RBFOX3: variants seen among roughly 807,000 people sequenced by gnomAD.
The protein encoded by RBFOX3 is RNA binding protein fox-1 homolog 3.
RBFOX3 carries 17 observed loss-of-function variants against 48.7 expected under a neutral mutation model. The ratio of observed to expected loss-of-function variants is 0.35; its 90% CI spans 0.24 to 0.52. The LOEUF is 0.52. RBFOX3 is among the 20% of genes least tolerant of loss of function. RBFOX3 has a pLI of 0.94. For synonymous variants in RBFOX3, 212 were observed against 209.5 expected (o/e 1.01, Z -0.10); for missense variants, 382 against 497.5 (o/e 0.77, Z 2.21).
chr17:79,333,832 C>T (rs34444410), intron 2 of RBFOX3, among the ~76,000 whole-genome samples: 27,208 of 152,056 alleles, frequency 0.18, 3,314 homozygotes, highest in Non-Finnish European at 0.27. Context: ...CTTCACCCCA[C>T]GAGCACACAC....
Position 79,204,026 on chromosome 17 carries a change from C to T in RBFOX3, c.-34+31740G>A, listed in dbSNP as rs1182830911. Reference sequence around the variant, plus strand: ...CGCTCTGGGCTGGTGGAAGTGGCCCCTTCCATCTTTGCTAAGAGAAAGCAG... The same window carrying T: ...CGCTCTGGGCTGGTGGAAGTGGCCCTTTCCATCTTTGCTAAGAGAAAGCAG... On this transcript the variant is annotated intron_variant, in intron 4 of 14. Transcript: ENST00000693108. This position sits in a 1 kb window ranked among gnomAD's most constrained non-coding sequence, Gnocchi z 4.5. Among the ~76,000 whole-genome samples the T allele has an allele frequency of 2.0e-5, 3 of 152,162 alleles. No individual in the cohort carries two copies. The highest frequency in any genetic ancestry group is 4.4e-5 in the Non-Finnish European group (3 of 68,016).
chr17:79,556,543 C>T (rs1257539282), intron 1 of RBFOX3, among the ~76,000 whole-genome samples: 1 of 152,122 alleles, frequency 6.6e-6, no homozygotes, highest in African/African-American at 2.4e-5. Flanking sequence ...GGAGGAGGAG[C>T]TGTAACCACA....
chr17:79,183,933 T>C (rs868047677), intron 4 of RBFOX3, among the ~76,000 whole-genome samples: 1 of 152,122 alleles, frequency 6.6e-6, no homozygotes, highest in Non-Finnish European at 1.5e-5. Flanking sequence ...CAGCACTTGC[T>C]CCTGGCCTGG....
At chr17:79,653,923 A>C in the RBFOX3 span, among the ~76,000 whole-genome samples, 2 of 151,380 alleles carry the variant, frequency 1.3e-5, no homozygotes, top group African/African-American at 4.9e-5. Context: ...CTTTTTAAAA[A>C]CTCATAAAAA....
At chr17:79,557,211 G>A (rs1477877474) in intron 1 of RBFOX3, among the ~76,000 whole-genome samples, 3 of 124,966 alleles carry the variant, frequency 2.4e-5, no homozygotes, top group African/African-American at 9.3e-5. Flanking sequence ...GGGTGACAGA[G>A]TGAGACACTG....
intron 1 of RBFOX3, among the ~76,000 whole-genome samples, chr17:79,581,523 C>A (rs1351221994): frequency 6.6e-6 from 1 of 152,272 alleles, no homozygotes; most frequent in Non-Finnish European, 1.5e-5. Flanking sequence ...CATTTCCATG[C>A]ACACGTGAAT....
Position 79,103,692 on chromosome 17 carries a change from G to C in RBFOX3, c.414+381C>G, listed in dbSNP as rs1322744857. Among the ~76,000 whole-genome samples, 2 of 152,088 alleles carry C rather than the reference G, an allele frequency of 1.3e-5. No individual in the cohort carries two copies. Among genetic ancestry groups the C allele is most frequent in the African/African-American group, 4.8e-5 (2 of 41,408 alleles). ...CCAGGGTAGAGGGTCGTGCCTTCCT[G>C]GAAGGGGAGTAGGGCTTGTCTCCGC... On this transcript the variant is annotated intron_variant, in intron 7 of 14. Transcript: ENST00000693108. The surrounding 1 kb of genome is among the most constrained non-coding windows in gnomAD (Gnocchi z 6.1).
intron 4 of RBFOX3, among the ~76,000 whole-genome samples, chr17:79,149,872 G>T (rs1248076903): frequency 6.7e-6 from 1 of 149,376 alleles, no homozygotes; most frequent in Non-Finnish European, 1.5e-5. Context: ...TCCTCCTCTG[G>T]GGCCTGGAGA....
At chr17:79,130,939 C>T (rs2038692181) in intron 4 of RBFOX3, among the ~76,000 whole-genome samples, 1 of 152,390 alleles carries the variant, frequency 6.6e-6, no homozygotes, top group South Asian at 2.1e-4. Context: ...CGGGAATCAG[C>T]CCCGCACCTG....
intron 4 of RBFOX3, among the ~76,000 whole-genome samples, chr17:79,161,299 T>A (rs1450103812): frequency 6.6e-6 from 1 of 152,010 alleles, no homozygotes; most frequent in African/African-American, 2.4e-5. Flanking sequence ...CAGGTCAGGT[T>A]GGAGAAGGGA....
intron 1 of RBFOX3, among the ~76,000 whole-genome samples, chr17:79,581,675 A>G (rs2093065382): frequency 6.6e-6 from 1 of 152,270 alleles, no homozygotes; most frequent in Non-Finnish European, 1.5e-5. Context: ...CAGGAAGAGA[A>G]GAGAGCTGTA....
At chr17:79,430,696 C>A (rs1481631407) in intron 2 of RBFOX3, among the ~76,000 whole-genome samples, 1 of 152,140 alleles carries the variant, frequency 6.6e-6, no homozygotes, top group Non-Finnish European at 1.5e-5. Flanking sequence ...AGGTATGCAG[C>A]ACCACACCCA....
intron 2 of RBFOX3, among the ~76,000 whole-genome samples, chr17:79,372,310 C>A (rs868225121): frequency 1.2e-4 from 14 of 120,020 alleles, no homozygotes; most frequent in African/African-American, 3.8e-4. Context: ...ACTATAGACC[C>A]CCCCCTGTCA....
chr17:79,502,383 T>A (rs1555777412), intron 1 of RBFOX3, among the ~76,000 whole-genome samples: 1 of 37,416 alleles, frequency 2.7e-5, no homozygotes, highest in Non-Finnish European at 8.6e-5. Context: ...TGGTGTTTAA[T>A]GGAGACAGTT....
At position 79,135,341 on chromosome 17, in the gene RBFOX3, G is replaced by T. The variant is rs145917777; in HGVS notation, c.-33-19593C>A. On this transcript the variant is annotated intron_variant, in intron 4 of 14. Coordinates refer to ENST00000693108, the MANE Select transcript of RBFOX3 (RefSeq NM_001350451.2). ...GGGAAGGAGCCAGGCCACCTTAAGT[G>T]CTGTCCTCTCATAAGGAAAACCTTG... Among the ~76,000 whole-genome samples the T allele has an allele frequency of 2.0e-4, 30 of 152,300 alleles. No homozygotes were observed. In the East Asian group the frequency reaches 5.4e-3, roughly 27 times the overall value.
In RBFOX3 at chr17:79,405,180, G is replaced by A. The variant is rs1368489222; in HGVS notation, c.-175+77274C>T. On this transcript the variant is annotated intron_variant, in intron 2 of 14. Coordinates refer to ENST00000693108, the MANE Select transcript of RBFOX3 (RefSeq NM_001350451.2). ...ATATGGAAAAGCTGAGGAGTTTGAC[G>A]GTGACGGCTGCACCCCACCAGCTCG... 6.6e-5 allele frequency among the ~76,000 whole-genome samples: 10 copies of A among 152,118 alleles called. No homozygotes were observed. The East Asian group carries it at 1.7e-3, about 26-fold the overall frequency.
At chr17:79,285,747 G>A (rs1013183817) in intron 3 of RBFOX3, among the ~76,000 whole-genome samples, 8 of 152,104 alleles carry the variant, frequency 5.3e-5, no homozygotes, top group African/African-American at 1.7e-4. Flanking sequence ...GCAATGGTGC[G>A]ATCTCAGCTC....
intron 4 of RBFOX3, among the ~76,000 whole-genome samples, chr17:79,177,354 G>T (rs551485293): frequency 2.6e-5 from 4 of 152,372 alleles, no homozygotes; most frequent in African/African-American, 9.6e-5. Context: ...GCAGCCGTTT[G>T]TGCTTCCCAA....
intron 12 of RBFOX3, 22 bp downstream of exon 12, chr17:79,096,631 C>CAACCA: frequency 6.6e-7 from 1 of 1,515,650 alleles, no homozygotes; most frequent in Non-Finnish European, 9.0e-7. Context: ...CCCACCCTCC[C>CAACCA]TCCCGGCGGG....
Sources: gnomAD v4.1 joint callset for allele counts (sites outside exome capture counted in the v4.1 genomes callset) on GRCh38, gnomAD v4.1.1 for gene constraint, Gnocchi (gnomAD v3.1) non-coding constraint, MANE v1.5 for transcripts, NCBI Gene and HGNC (gene_info 2026-07-23, HGNC 2026-07-21) for gene names.